The following FLNB variants were observed in gnomAD, a reference collection of about 807,000 sequenced individuals.
FLNB encodes the protein filamin-B.
Under a neutral mutation model 250.6 loss-of-function variants are expected in FLNB, and 111 were observed. The ratio of observed to expected loss-of-function variants is 0.44; its 90% CI spans 0.38 to 0.52. The LOEUF (loss-of-function observed/expected upper bound fraction) is 0.52, where lower values mean the gene tolerates loss of function less well. Among genes scored for constraint, FLNB ranks in the 20% least tolerant of loss-of-function variants. The pLI is 0.00. For synonymous variants in FLNB, 1,302 were observed against 1,372.1 expected, an observed-to-expected ratio of 0.95 and a Z score of 1.13; for missense variants, 2,869 against 3,447.8, an observed-to-expected ratio of 0.83 and a Z score of 4.20.
chr3:58,105,183 G>A lies in FLNB; in HGVS notation c.1714G>A (p.Val572Ile). 3 of 1,614,236 alleles carry A rather than the reference G, an allele frequency of 1.9e-6. No homozygotes were observed. Among genetic ancestry groups the A allele is most frequent in the Non-Finnish European group, 2.5e-6 (3 of 1,180,048 alleles). ...TGTCGGGCGGTCAGCGGACTTCGTG[G>A]TAGAATCCATTGGCTCTGAAGTGGG... ...GIVGRSADFV[V>I]ESIGSEVGSL... The change falls in exon 11 of 46, where the codon GTA (valine) becomes ATA (isoleucine). Residue 572 changes from valine to isoleucine, a missense_variant. By Grantham distance (29) the Val-to-Ile change is conservative. Transcript: ENST00000295956.
At position 58,132,835 on chromosome 3, in the gene FLNB, A is replaced by G. The variant is rs779137704; in HGVS notation, c.4418A>G (p.Asp1473Gly). 2 of 1,614,076 alleles carry G rather than the reference A, an allele frequency of 1.2e-6. 1 individual carries two copies. The highest frequency in any genetic ancestry group is 2.2e-5 in the South Asian group (2 of 91,058). The change falls in exon 26 of 46, where the codon GAC (aspartate) becomes GGC (glycine). Residue 1473 changes from aspartate (D) to glycine (G), a missense_variant. Coordinates refer to ENST00000295956, the MANE Select transcript of FLNB (RefSeq NM_001457.4). ...TTGGTGGAGCCAGTGAACGTGGTGGACAATGGAGATGGCACACACACAGTA... is the reference window on the plus strand; with the variant it reads ...TTGGTGGAGCCAGTGAACGTGGTGGGCAATGGAGATGGCACACACACAGTA... Reference protein sequence around the residue: ...RGLVEPVNVVDNGDGTHTVTY... With the variant: ...RGLVEPVNVVGNGDGTHTVTY...
At chr3:58,057,074 G>T (rs1288387010) in intron 1 of FLNB, among the ~76,000 whole-genome samples, 1 of 152,108 alleles carries the variant, frequency 6.6e-6, no homozygotes, top group Admixed American at 6.5e-5. Flanking sequence ...TGACCTCCTG[G>T]GCTCAATCCT....
rs779310027 is a variant in FLNB, at chr3:58,126,657, A to G, written c.4117A>G (p.Ile1373Val). 3 of 1,614,048 alleles carry G rather than the reference A, an allele frequency of 1.9e-6. No individual in the cohort carries two copies. Among genetic ancestry groups the G allele is most frequent in the South Asian group, 1.1e-5 (1 of 91,078 alleles). ...TGTTGAGGGACCATCAGAGTCGAAGATAAATTGCAGAGACAACAAGGATGG... is the reference window on the plus strand; with the variant it reads ...TGTTGAGGGACCATCAGAGTCGAAGGTAAATTGCAGAGACAACAAGGATGG... ...ITVEGPSESK[I>V]NCRDNKDGSC... Residue 1373 changes from isoleucine to valine, a missense_variant, in exon 24 of 46, where the codon ATA becomes GTA. Around this residue, in one of 5 missense-constraint regions of FLNB, gnomAD observed 1,348 missense variants for 1,466.7 expected, o/e 0.92. Coordinates refer to ENST00000295956, the MANE Select transcript of FLNB (RefSeq NM_001457.4).
At chr3:58,014,139 G>A (rs1272469560) in intron 1 of FLNB, among the ~76,000 whole-genome samples, 4 of 152,174 alleles carry the variant, frequency 2.6e-5, no homozygotes, top group African/African-American at 4.8e-5. Context: ...ATTAAATAAG[G>A]CACTGTTTAA....
At chr3:58,083,347 C>T (rs1054985945) in intron 4 of FLNB, among the ~76,000 whole-genome samples, 11 of 145,928 alleles carry the variant, frequency 7.5e-5, no homozygotes, top group Non-Finnish European at 1.6e-4. Context: ...AAGTATTTTC[C>T]TGCTTGGTAT....
intron 20 of FLNB, among the ~76,000 whole-genome samples, chr3:58,121,970 C>A (rs1043285416): frequency 1.9e-4 from 29 of 150,206 alleles, no homozygotes; most frequent in Admixed American, 4.6e-4. Context: ...GAGATCAAGA[C>A]CATCCTGGCT....
intron 1 of FLNB, among the ~76,000 whole-genome samples, chr3:58,009,422 G>A (rs2097095149): frequency 6.6e-6 from 1 of 152,160 alleles, no homozygotes; most frequent in African/African-American, 2.4e-5. Flanking sequence ...TGGGCCCCGA[G>A]GTTGCAAGGG....
intron 9 of FLNB, among the ~76,000 whole-genome samples, chr3:58,102,837 A>G (rs1359606014): frequency 1.3e-5 from 2 of 152,238 alleles, no homozygotes; most frequent in Admixed American, 6.5e-5. Flanking sequence ...AAAATTCCCT[A>G]AGATTAAGTT....
rs963864349 is a variant in FLNB at position 58,119,000 on chromosome 3, G to C, written c.2863+11G>C. The C allele has an allele frequency of 6.3e-7, 1 of 1,585,738 alleles. No individual in the cohort carries two copies. The highest frequency in any genetic ancestry group is 8.7e-7 in the Non-Finnish European group (1 of 1,154,268). On this transcript the variant is annotated intron_variant, in intron 19 of 45. Coordinates refer to ENST00000295956, the MANE Select transcript of FLNB (RefSeq NM_001457.4). Reference sequence around the variant, plus strand: ...ATGGGCTGGAAAACAGTAAGTGCCTGAATGGAGAGCAGATGGGTTGTTGAT... The same window carrying C: ...ATGGGCTGGAAAACAGTAAGTGCCTCAATGGAGAGCAGATGGGTTGTTGAT...
Position 58,008,823 on chromosome 3 carries a change from C to G in FLNB, c.259C>G (p.Leu87Val). ...GAATGTGTCCGTGGCGCTCGAGTTC[C>G]TGGACCGTGAGAGCATCAAGCTCGT... The part of the protein sequence containing the change: ...LENVSVALEF[L>V]DRESIKLVSI... Residue 87 changes from leucine (L) to valine (V), a missense_variant, in exon 1 of 46, where the codon CTG (leucine) becomes GTG (valine). Physicochemically the swap from Leu to Val is conservative, Grantham distance 32 (BLOSUM62 1). Transcript: ENST00000295956. 6.2e-7 allele frequency: 1 copy of G among 1,613,932 alleles called. No individual in the cohort carries two copies. Among genetic ancestry groups the G allele is most frequent in the Non-Finnish European group, 8.5e-7 (1 of 1,180,016 alleles).
At chr3:58,125,431 C>A (rs776205055) in intron 22 of FLNB, 150 bp from the exon 23 acceptor site, 19 of 932,202 alleles carry the variant, frequency 2.0e-5, no homozygotes, top group Admixed American at 4.1e-5. Flanking sequence ...CTGCCCCCAG[C>A]CACATTACTG....
intron 18 of FLNB, among the ~76,000 whole-genome samples, chr3:58,116,363 G>T (rs866239670): frequency 1.9e-4 from 29 of 152,348 alleles, no homozygotes; most frequent in African/African-American, 6.5e-4. Context: ...AAAGGTGGCT[G>T]CTTGGGCATG....
rs1291502372 is a variant in FLNB, at chr3:58,170,572, T to A, written c.7622-3T>A. ...GGTGGAGTAACCACCTTTTGCCTCC[T>A]AGGCTCCAACATGCTGCTGATCGGG... is the stretch of plus-strand genomic sequence containing the variant. On this transcript the variant is annotated splice_polypyrimidine_tract_variant and splice_region_variant and intron_variant, in intron 45 of 45. Coordinates refer to ENST00000295956, the MANE Select transcript of FLNB (RefSeq NM_001457.4). 1 of 1,613,956 alleles carries A rather than the reference T, an allele frequency of 6.2e-7. No homozygotes were observed. The highest frequency in any genetic ancestry group is 8.5e-7 in the Non-Finnish European group (1 of 1,179,984).
At chr3:58,122,924 A>G (rs925203936) in intron 20 of FLNB, among the ~76,000 whole-genome samples, 169 bp from the exon 21 acceptor site, 1 of 152,186 alleles carries the variant, frequency 6.6e-6, no homozygotes, top group Non-Finnish European at 1.5e-5. Context: ...CATTTGCTGC[A>G]TTGACTGTTG....
At chr3:58,058,376 T>C (rs2097173472) in intron 1 of FLNB, among the ~76,000 whole-genome samples, 1 of 152,300 alleles carries the variant, frequency 6.6e-6, no homozygotes, top group East Asian at 1.9e-4. Context: ...ATGTAAGCAG[T>C]GGGCCAAATT....
chr3:58,108,156 T>C (rs2097262827), intron 12 of FLNB, among the ~76,000 whole-genome samples: 1 of 152,148 alleles, frequency 6.6e-6, no homozygotes, highest in African/African-American at 2.4e-5. Context: ...TTTTATAACA[T>C]TTTAAGAAAG....
intron 28 of FLNB, among the ~76,000 whole-genome samples, chr3:58,137,954 C>T (rs928091713): frequency 6.6e-6 from 1 of 152,198 alleles, no homozygotes; most frequent in Non-Finnish European, 1.5e-5. Flanking sequence ...TCTTGCCCAC[C>T]TTTATGTGTA....
intron 35 of FLNB, 74 bp downstream of exon 35, chr3:58,148,438 T>C (rs2097339433): frequency 6.5e-7 from 1 of 1,526,810 alleles, no homozygotes. Flanking sequence ...CAGTCCTTTC[T>C]TGGGAATGGG....
At chr3:58,010,794 T>C (rs928772780) in intron 1 of FLNB, among the ~76,000 whole-genome samples, 4 of 152,134 alleles carry the variant, frequency 2.6e-5, no homozygotes, top group Non-Finnish European at 5.9e-5. Context: ...ATCTACCCAC[T>C]GTTTACAGAG....
Sources: gnomAD v4.1 joint callset for allele counts (sites outside exome capture counted in the v4.1 genomes callset) on GRCh38, gnomAD v4.1.1 for gene constraint, gnomAD v4.1.1 regional missense constraint, MANE v1.5 for transcripts, NCBI Gene and HGNC (gene_info 2026-07-23, HGNC 2026-07-21) for gene names.